The following STPG4 variants were observed in gnomAD, a reference collection of about 807,000 sequenced individuals.
STPG4 encodes the protein protein STPG4.
In STPG4, 41 loss-of-function variants were observed where a neutral mutation model predicts 31.5. The ratio of observed to expected loss-of-function variants is 1.30; its 90% CI spans 1.01 to 1.69. The LOEUF (loss-of-function observed/expected upper bound fraction) is 1.69, where lower values mean the gene tolerates loss of function less well. Ranked by LOEUF, STPG4 falls within the 40% of genes most tolerant of loss-of-function variation. The pLI is 0.00. For synonymous variants in STPG4, 141 were observed against 103.0 expected (o/e 1.37, Z -2.24); for missense variants, 375 against 293.4 (o/e 1.28, Z -2.03).
At chr2:47,129,839 A>G (rs1686437890) in intron 5 of STPG4, 102 bp downstream of exon 5, 2 of 1,440,394 alleles carry the variant, frequency 1.4e-6, no homozygotes, top group South Asian at 2.6e-5. Flanking sequence ...AGGGGGAACG[A>G]TCACTGGAGG....
intron 2 of STPG4, among the ~76,000 whole-genome samples, chr2:47,152,371 T>C (rs1156670186): frequency 1.3e-5 from 2 of 152,186 alleles, no homozygotes; most frequent in Admixed American, 1.3e-4. Flanking sequence ...CACTGCTGCT[T>C]TTGTGGCCAT....
At chr2:47,093,621 T>A (rs79989043) in intron 5 of STPG4, among the ~76,000 whole-genome samples, 1 of 152,312 alleles carries the variant, frequency 6.6e-6, no homozygotes, top group East Asian at 1.9e-4. Context: ...TAAAGCTTCC[T>A]GGTCTCAAGC....
At chr2:47,088,230 C>G (rs748091435) in intron 6 of STPG4, among the ~76,000 whole-genome samples, 1 of 152,138 alleles carries the variant, frequency 6.6e-6, no homozygotes, top group Non-Finnish European at 1.5e-5. Flanking sequence ...CAGGGGTGCA[C>G]CACCACACCT....
At chr2:47,120,500 G>A (rs1337394161) in intron 5 of STPG4, among the ~76,000 whole-genome samples, 1 of 152,130 alleles carries the variant, frequency 6.6e-6, no homozygotes, top group African/African-American at 2.4e-5. Context: ...CTGGGAGGTG[G>A]AGCTTGCAGT....
intron 5 of STPG4, among the ~76,000 whole-genome samples, chr2:47,122,137 G>T (rs1686285050): frequency 6.6e-6 from 1 of 152,042 alleles, no homozygotes; most frequent in Non-Finnish European, 1.5e-5. Context: ...CTTGTAATCT[G>T]AATTTATTTA....
rs142134963 is a variant in STPG4 at position 47,102,030 on chromosome 2, G to T, written c.520-11656C>A. 8.5e-3 allele frequency among the ~76,000 whole-genome samples: 1,293 copies of T among 151,978 alleles called. 53 individuals are homozygous for T. The highest frequency in any genetic ancestry group is 0.029 in the African/African-American group (1,191 of 41,324). On this transcript the variant is annotated intron_variant, in intron 5 of 6. Coordinates refer to ENST00000445927, the MANE Select transcript of STPG4 (RefSeq NM_001163561.2). ...GGCAAGGGTGCAGGTTTTCGAGAAT[G>T]CGTAGGTAAGGACCACTAAATCCAA...
At chr2:47,136,372 T>A in intron 3 of STPG4, among the ~76,000 whole-genome samples, 1 of 152,170 alleles carries the variant, frequency 6.6e-6, no homozygotes, top group East Asian at 1.9e-4. Flanking sequence ...GGTCTCAAAC[T>A]CCTGACCTCA....
chr2:47,103,596 G>A (rs113308559), intron 5 of STPG4, among the ~76,000 whole-genome samples: 13,876 of 151,940 alleles, frequency 0.091, 905 homozygotes, highest in Non-Finnish European at 0.12. Context: ...TCACCTGGTA[G>A]GGCTTGTTAT....
intron 3 of STPG4, among the ~76,000 whole-genome samples, chr2:47,142,011 A>G (rs1444153045): frequency 6.7e-6 from 1 of 149,552 alleles, no homozygotes; most frequent in Non-Finnish European, 1.5e-5. Context: ...TTTGGTTGAT[A>G]CCATGCTCAA....
intron 5 of STPG4, among the ~76,000 whole-genome samples, chr2:47,117,627 T>C (rs898763653): frequency 8.5e-5 from 13 of 152,220 alleles, no homozygotes; most frequent in African/African-American, 3.1e-4. Flanking sequence ...ATGTATAAGT[T>C]TGTGTGTGCT....
At chr2:47,100,146 C>T (rs947506323) in intron 5 of STPG4, among the ~76,000 whole-genome samples, 1 of 152,132 alleles carries the variant, frequency 6.6e-6, no homozygotes, top group Admixed American at 6.5e-5. Context: ...GCAGGCAGCT[C>T]CACCTGCAGC....
chr2:47,129,982 G>A lies in STPG4; in HGVS notation c.478C>T (p.Arg160Cys), dbSNP rs141614874. Residue 160 changes from arginine to cysteine, a missense_variant, in exon 5 of 7, where the codon CGC (arginine) becomes TGC (cysteine). Transcript: ENST00000445927. Reference protein sequence around the residue: ...PKYASRSCVFRSTVQRFPTTY... With the variant: ...PKYASRSCVFCSTVQRFPTTY... ...GTTGGGAATCTTTGAACTGTTGAGCGAAATACACAGCTCCTATATTTCAAA... is the reference window on the plus strand; with the variant it reads ...GTTGGGAATCTTTGAACTGTTGAGCAAAATACACAGCTCCTATATTTCAAA... 9.9e-5 allele frequency: 156 copies of A among 1,568,744 alleles called. No homozygotes were observed. In the African/African-American group the frequency reaches 1.2e-3, roughly 12 times the overall value.
chr2:47,140,380 G>A (rs949040844), intron 3 of STPG4, among the ~76,000 whole-genome samples: 1 of 152,154 alleles, frequency 6.6e-6, no homozygotes, highest in Non-Finnish European at 1.5e-5. Flanking sequence ...AAGAACCTGG[G>A]AGAGCTCCTG....
intron 5 of STPG4, among the ~76,000 whole-genome samples, chr2:47,103,453 G>T (rs544321678): frequency 6.6e-6 from 1 of 151,860 alleles, no homozygotes; most frequent in Non-Finnish European, 1.5e-5. Flanking sequence ...CAACCTTGGT[G>T]TTCTATAAGA....
chr2:47,107,365 G>C (rs61161160), intron 5 of STPG4, among the ~76,000 whole-genome samples: 2 of 152,132 alleles, frequency 1.3e-5, no homozygotes, highest in African/African-American at 4.8e-5. Flanking sequence ...GGTGGGCCCC[G>C]CACTCGGAGC....
chr2:47,121,911 GGAGT>G (rs1399620808), intron 5 of STPG4, among the ~76,000 whole-genome samples: 27 of 147,676 alleles, frequency 1.8e-4, no homozygotes, highest in African/African-American at 6.6e-4. Flanking sequence ...TCCCCACCCT[GGAGT>G]ACAGGATAAT....
chr2:47,090,248 A>C (rs1362243963), intron 6 of STPG4, 22 bp downstream of exon 6: 4 of 1,511,868 alleles, frequency 2.6e-6, no homozygotes, highest in Admixed American at 2.0e-5. Context: ...GTGGGGGGCG[A>C]TCTGTCTTTC....
intron 5 of STPG4, among the ~76,000 whole-genome samples, chr2:47,122,112 C>G (rs1422172365): frequency 1.3e-5 from 2 of 152,124 alleles, no homozygotes; most frequent in Non-Finnish European, 2.9e-5. Flanking sequence ...TTAGTGAGAT[C>G]AAAAGATTTT....
intron 3 of STPG4, among the ~76,000 whole-genome samples, chr2:47,131,565 G>C (rs568360495): frequency 1.3e-5 from 2 of 152,154 alleles, no homozygotes; most frequent in African/African-American, 4.8e-5. Context: ...AGGAGTGAGA[G>C]GCACCTACAG....
Sources: allele counts gnomAD v4.1 joint callset (sites outside exome capture counted in the v4.1 genomes callset), GRCh38; gene constraint gnomAD v4.1.1; transcripts MANE v1.5; gene names NCBI Gene and HGNC (gene_info 2026-07-23, HGNC 2026-07-21).